The following PCDH9 variants were observed in gnomAD, a reference collection of about 807,000 sequenced individuals.
The protein encoded by PCDH9 is protocadherin 9, also known as protocadherin-9.
PCDH9 carries 24 observed loss-of-function variants against 70.6 expected under a neutral mutation model. That is an observed-to-expected ratio of 0.34 (90% CI 0.25 to 0.48). PCDH9 has a LOEUF of 0.48. PCDH9 is among the 20% of genes least tolerant of loss of function. PCDH9 has a pLI of 0.99. For missense variants in PCDH9, 1,281 were observed against 1,503.6 expected (o/e 0.85, Z 2.45); for synonymous variants, 562 against 558.5 (o/e 1.01, Z -0.09).
At chr13:66,385,096 AG>A (rs570527922) in intron 4 of PCDH9, among the ~76,000 whole-genome samples, 109 of 152,242 alleles carry the variant, frequency 7.2e-4, no homozygotes, top group Non-Finnish European at 1.4e-3. Flanking sequence ...TTTCATATAT[AG>A]GGAGATCATG....
At chr13:66,979,489 T>C (rs892197682) in intron 2 of PCDH9, among the ~76,000 whole-genome samples, 2 of 152,188 alleles carry the variant, frequency 1.3e-5, no homozygotes, top group Admixed American at 1.3e-4. Flanking sequence ...CTAGAGCCCA[T>C]TCCCTTTGTT....
chr13:67,162,294 T>C (rs2087984553), intron 2 of PCDH9, among the ~76,000 whole-genome samples: 2 of 152,224 alleles, frequency 1.3e-5, no homozygotes, highest in South Asian at 4.1e-4. Flanking sequence ...TCTCCTGATA[T>C]GTAAGTATTT....
chr13:66,871,968 G>A (rs1360268836), intron 3 of PCDH9, among the ~76,000 whole-genome samples: 1 of 152,014 alleles, frequency 6.6e-6, no homozygotes, highest in East Asian at 1.9e-4. Context: ...GTTAGAATGA[G>A]CCACAATTCC....
chr13:67,164,832 C>G (rs1418088048), intron 2 of PCDH9, among the ~76,000 whole-genome samples: 1 of 152,114 alleles, frequency 6.6e-6, no homozygotes, highest in Non-Finnish European at 1.5e-5. Context: ...TCTTCACATA[C>G]AGGAACTTCT....
chr13:67,054,178 C>A (rs2085375570), intron 2 of PCDH9, among the ~76,000 whole-genome samples: 2 of 152,316 alleles, frequency 1.3e-5, no homozygotes, highest in African/African-American at 2.4e-5. Context: ...TTTTCAAAAT[C>A]TCTTCAAAAT....
chr13:66,514,121 G>C (rs913232179), intron 4 of PCDH9, among the ~76,000 whole-genome samples: 3 of 152,048 alleles, frequency 2.0e-5, no homozygotes, highest in African/African-American at 7.2e-5. Flanking sequence ...TTAAAAATAT[G>C]AACTCTATAT....
intron 3 of PCDH9, among the ~76,000 whole-genome samples, chr13:66,820,686 A>G (rs2080695685): frequency 6.6e-6 from 1 of 152,186 alleles, no homozygotes; most frequent in African/African-American, 2.4e-5. Context: ...GAATGGGATC[A>G]TTTCCTTTAC....
intron 3 of PCDH9, among the ~76,000 whole-genome samples, chr13:66,828,976 T>C (rs1440842979): frequency 6.6e-6 from 1 of 151,894 alleles, no homozygotes; most frequent in Non-Finnish European, 1.5e-5. Context: ...GAATTGATAA[T>C]GGCATTATTG....
intron 4 of PCDH9, among the ~76,000 whole-genome samples, chr13:66,619,849 G>A (rs1380572892): frequency 6.6e-6 from 1 of 151,946 alleles, no homozygotes; most frequent in East Asian, 1.9e-4. Flanking sequence ...ACCTCTGCCT[G>A]GCCTAAATAT....
intron 3 of PCDH9, among the ~76,000 whole-genome samples, chr13:66,759,399 T>C (rs1221379857): frequency 6.6e-6 from 1 of 152,122 alleles, no homozygotes; most frequent in Non-Finnish European, 1.5e-5. Context: ...GAGTCTCTTT[T>C]TGGCAGCATA....
chr13:66,507,998 G>A (rs141133110), intron 4 of PCDH9, among the ~76,000 whole-genome samples: 7 of 152,166 alleles, frequency 4.6e-5, no homozygotes, highest in African/African-American at 1.7e-4. Context: ...TGGGATTACA[G>A]GCGTGAGCCA....
At chr13:66,324,148 G>A (rs768497023) in intron 4 of PCDH9, among the ~76,000 whole-genome samples, 42 of 152,004 alleles carry the variant, frequency 2.8e-4, no homozygotes, top group Non-Finnish European at 4.7e-4. Flanking sequence ...GCAGAGTACT[G>A]TAGACCAAGA....
intron 4 of PCDH9, among the ~76,000 whole-genome samples, chr13:66,325,780 G>GT (rs1180164041): frequency 6.6e-6 from 1 of 150,840 alleles, no homozygotes; most frequent in Non-Finnish European, 1.5e-5. Flanking sequence ...GTTGCTATTA[G>GT]TGAATACAAG....
chr13:66,336,806 A>C (rs1164464627), intron 4 of PCDH9, among the ~76,000 whole-genome samples: 1 of 151,962 alleles, frequency 6.6e-6, no homozygotes, highest in Non-Finnish European at 1.5e-5. Context: ...TGTTTTATCA[A>C]CCTCAGCCCA....
At chr13:67,065,336 T>G (rs2085626108) in intron 2 of PCDH9, among the ~76,000 whole-genome samples, 1 of 152,204 alleles carries the variant, frequency 6.6e-6, no homozygotes, top group Non-Finnish European at 1.5e-5. Context: ...CTAATTTTAA[T>G]AGAATACATG....
intron 2 of PCDH9, among the ~76,000 whole-genome samples, chr13:67,196,340 C>A (rs2089065052): frequency 6.6e-6 from 1 of 151,956 alleles, no homozygotes; most frequent in Non-Finnish European, 1.5e-5. Context: ...AAGAAATGGA[C>A]TGAGAGAGAA....
intron 2 of PCDH9, among the ~76,000 whole-genome samples, chr13:67,106,932 T>C (rs1158446985): frequency 6.6e-6 from 1 of 152,156 alleles, no homozygotes; most frequent in African/African-American, 2.4e-5. Context: ...TGGCCCCCTG[T>C]GTAATTTGGG....
At chr13:67,067,829 C>G (rs2085680680) in intron 2 of PCDH9, among the ~76,000 whole-genome samples, 2 of 151,726 alleles carry the variant, frequency 1.3e-5, no homozygotes, top group Non-Finnish European at 2.9e-5. Flanking sequence ...AGATTGAAAA[C>G]TAGTTTGGTA....
intron 2 of PCDH9, among the ~76,000 whole-genome samples, chr13:66,950,175 A>T (rs1462823987): frequency 6.6e-6 from 1 of 152,138 alleles, no homozygotes; most frequent in Non-Finnish European, 1.5e-5. Context: ...CTACAGTTTA[A>T]GAATGGTTGT....
Sources: allele counts gnomAD v4.1 joint callset (sites outside exome capture counted in the v4.1 genomes callset), GRCh38; gene constraint gnomAD v4.1.1; transcripts MANE v1.5; gene names NCBI Gene and HGNC (gene_info 2026-07-23, HGNC 2026-07-21).